NMNAT3: variants seen among roughly 807,000 people sequenced by gnomAD.
The protein encoded by NMNAT3 is nicotinamide nucleotide adenylyltransferase 3, also known as nicotinamide/nicotinic acid mononucleotide adenylyltransferase 3.
In NMNAT3, 21 loss-of-function variants were observed where a neutral mutation model predicts 24.8. The ratio of observed to expected loss-of-function variants is 0.85; its 90% confidence interval spans 0.60 to 1.22. The LOEUF (loss-of-function observed/expected upper bound fraction) is 1.22. Ranked by LOEUF, NMNAT3 falls within the 50% of genes most tolerant of loss-of-function variation. The pLI, the probability that NMNAT3 is intolerant of heterozygous loss-of-function variation, is 0.00. For missense variants in NMNAT3, 387 were observed against 436.6 expected (o/e 0.89, Z 1.01); for synonymous variants, 136 against 155.2 (o/e 0.88, Z 0.92).
At chr3:139,668,439 A>T (rs1171190039) in intron 1 of NMNAT3, among the ~76,000 whole-genome samples, 1 of 152,230 alleles carries the variant, frequency 6.6e-6, no homozygotes, top group African/African-American at 2.4e-5. Flanking sequence ...CTTCTTAGCA[A>T]CATTAGAGGA....
At chr3:139,671,138 A>C (rs2057742514) in intron 1 of NMNAT3, among the ~76,000 whole-genome samples, 1 of 152,250 alleles carries the variant, frequency 6.6e-6, no homozygotes, top group Non-Finnish European at 1.5e-5. Flanking sequence ...ATAATAAAAT[A>C]ATATAGAAAG....
intron 3 of NMNAT3, among the ~76,000 whole-genome samples, chr3:139,622,544 C>T (rs2055828496): frequency 6.6e-6 from 1 of 151,260 alleles, no homozygotes; most frequent in African/African-American, 2.4e-5. Context: ...ACCAGCCTGA[C>T]CAATATGATG....
At chr3:139,657,151 G>A (rs1438897003) in intron 1 of NMNAT3, among the ~76,000 whole-genome samples, 2 of 152,134 alleles carry the variant, frequency 1.3e-5, no homozygotes, top group Non-Finnish European at 2.9e-5. Flanking sequence ...GTGAAGGGCC[G>A]GCCAGGCCAT....
chr3:139,586,730 A>T (rs894990571), intron 3 of NMNAT3, among the ~76,000 whole-genome samples: 8 of 152,244 alleles, frequency 5.3e-5, no homozygotes, highest in African/African-American at 1.9e-4. Context: ...AGTTACTCTT[A>T]AAATAATCAA....
chr3:139,583,506 T>C, intron 3 of NMNAT3: 1 of 1,561,928 alleles, frequency 6.4e-7, no homozygotes, highest in Non-Finnish European at 8.8e-7. Flanking sequence ...TCTGAAGCTA[T>C]GGAAGTAGTT....
At chr3:139,619,041 C>T (rs775907586) in intron 3 of NMNAT3, among the ~76,000 whole-genome samples, 2 of 152,152 alleles carry the variant, frequency 1.3e-5, no homozygotes, top group Non-Finnish European at 2.9e-5. Flanking sequence ...CTGTGCCTGG[C>T]TAAACCTCCT....
At chr3:139,576,234 A>C in intron 5 of NMNAT3, 7 of 984,960 alleles carry the variant, frequency 7.1e-6, no homozygotes, top group South Asian at 4.7e-5. Context: ...CTGGATTTTC[A>C]GTCTTAAAAA....
intron 1 of NMNAT3, among the ~76,000 whole-genome samples, chr3:139,675,118 C>T (rs551263571): frequency 7.1e-5 from 5 of 70,182 alleles, no homozygotes; most frequent in Non-Finnish European, 1.3e-4. Flanking sequence ...TCCTTACCTT[C>T]GTATTCCTTT....
intron 1 of NMNAT3, among the ~76,000 whole-genome samples, chr3:139,669,735 C>T (rs545232760): frequency 6.6e-6 from 1 of 152,018 alleles, no homozygotes; most frequent in East Asian, 1.9e-4. Flanking sequence ...CAAGTAAATC[C>T]AATATTAATA....
chr3:139,589,064 C>T (rs1250418805), intron 3 of NMNAT3, among the ~76,000 whole-genome samples: 5 of 152,100 alleles, frequency 3.3e-5, no homozygotes, highest in Admixed American at 6.5e-5. Flanking sequence ...GAAAGGTGCT[C>T]ACCATGAAAG....
intron 3 of NMNAT3, among the ~76,000 whole-genome samples, chr3:139,595,734 G>A (rs1015361663): frequency 1.4e-5 from 2 of 146,474 alleles, no homozygotes; most frequent in African/African-American, 2.6e-5. Context: ...TTAATAAATG[G>A]TGCTGGGAAA....
At chr3:139,673,921 G>A (rs1426386412) in intron 1 of NMNAT3, among the ~76,000 whole-genome samples, 1 of 152,050 alleles carries the variant, frequency 6.6e-6, no homozygotes, top group Admixed American at 6.6e-5. Context: ...AGGGCATGCC[G>A]ACAGGCACCC....
intron 1 of NMNAT3, among the ~76,000 whole-genome samples, chr3:139,652,765 G>C (rs2057097974): frequency 6.6e-6 from 1 of 152,210 alleles, no homozygotes; most frequent in Non-Finnish European, 1.5e-5. Flanking sequence ...TCCCCTGGGA[G>C]AGGGTATTGA....
chr3:139,588,249 G>A (rs1410562767), intron 3 of NMNAT3, among the ~76,000 whole-genome samples: 1 of 152,070 alleles, frequency 6.6e-6, no homozygotes, highest in Non-Finnish European at 1.5e-5. Context: ...TCATCTGCCT[G>A]TGCCTTTCCC....
intron 4 of NMNAT3, among the ~76,000 whole-genome samples, chr3:139,581,166 G>T (rs974334130): frequency 6.6e-6 from 1 of 151,934 alleles, no homozygotes; most frequent in African/African-American, 2.4e-5. Context: ...AACAAAAACA[G>T]GACTACTCTA....
chr3:139,657,120 A>C (rs1466245367), intron 1 of NMNAT3, among the ~76,000 whole-genome samples: 1 of 152,202 alleles, frequency 6.6e-6, no homozygotes, highest in East Asian at 1.9e-4. Flanking sequence ...TAGGAAATAC[A>C]GGCAAGTTCA....
chr3:139,665,382 T>C (rs973758264), intron 1 of NMNAT3, among the ~76,000 whole-genome samples: 1 of 152,168 alleles, frequency 6.6e-6, no homozygotes, highest in Non-Finnish European at 1.5e-5. Flanking sequence ...GGCACAGACG[T>C]CTTCGGCAAA....
At chr3:139,601,099 A>C (rs2054694078) in intron 3 of NMNAT3, among the ~76,000 whole-genome samples, 1 of 152,222 alleles carries the variant, frequency 6.6e-6, no homozygotes, top group East Asian at 1.9e-4. Context: ...GGTTGTAATC[A>C]GGCAGTTCTG....
intron 1 of NMNAT3, among the ~76,000 whole-genome samples, chr3:139,655,321 G>A (rs1229230233): frequency 1.3e-5 from 2 of 152,192 alleles, no homozygotes; most frequent in Non-Finnish European, 2.9e-5. Context: ...CAGTCTATAA[G>A]TGATTACCTG....
Sources: allele counts gnomAD v4.1 joint callset (sites outside exome capture counted in the v4.1 genomes callset), GRCh38; gene constraint gnomAD v4.1.1; transcripts MANE v1.5; gene names NCBI Gene and HGNC (gene_info 2026-07-23, HGNC 2026-07-21).